The following PPP1R16B variants were observed in gnomAD, a reference collection of about 807,000 sequenced individuals.
The protein encoded by PPP1R16B is protein phosphatase 1 regulatory subunit 16B.
Under a neutral mutation model 61.7 loss-of-function variants are expected in PPP1R16B, and 14 were observed. That is an observed-to-expected ratio of 0.23 (90% confidence interval 0.15 to 0.35). The LOEUF (loss-of-function observed/expected upper bound fraction) is 0.35, where lower values mean the gene tolerates loss of function less well. Among genes scored for constraint, PPP1R16B ranks in the 10% least tolerant of loss-of-function variants. The probability of loss-of-function intolerance (pLI) is 1.00; values close to 1 mark genes in which losing one functional copy is unlikely to be tolerated. For missense variants in PPP1R16B, 547 were observed against 752.5 expected, an observed-to-expected ratio of 0.73 and a Z score of 3.19; for synonymous variants, 266 against 305.3, an observed-to-expected ratio of 0.87 and a Z score of 1.34.
chr20:38,883,508 G>A (rs1158456397), intron 2 of PPP1R16B, among the ~76,000 whole-genome samples: 3 of 152,236 alleles, frequency 2.0e-5, no homozygotes, highest in African/African-American at 7.2e-5. Context: ...GGTGTAGGCG[G>A]AGCAGCGGGG....
At chr20:38,912,263 C>A (rs898383898) in intron 10 of PPP1R16B, among the ~76,000 whole-genome samples, 5 of 151,854 alleles carry the variant, frequency 3.3e-5, no homozygotes, top group African/African-American at 4.8e-5. Context: ...CCATGCCCAG[C>A]TAATTTTTGT....
At chr20:38,854,800 A>T (rs1471932861) in intron 2 of PPP1R16B, among the ~76,000 whole-genome samples, 1 of 152,222 alleles carries the variant, frequency 6.6e-6, no homozygotes, top group Non-Finnish European at 1.5e-5. Flanking sequence ...TGTTACTATC[A>T]TCTGCCAGTA....
Position 38,875,229 on chromosome 20 carries a change from C to T in PPP1R16B, c.251-14366C>T, listed in dbSNP as rs775462230. Among the ~76,000 whole-genome samples the T allele has an allele frequency of 3.3e-4, 50 of 152,236 alleles. No homozygotes were observed. The South Asian group carries it at 3.3e-3, about 10-fold the overall frequency. On this transcript the variant is annotated intron_variant, in intron 2 of 10. Coordinates refer to ENST00000299824, the MANE Select transcript of PPP1R16B (RefSeq NM_015568.4). ...CATCCTGTCCTGGTCCTCTCTGAGC[C>T]AGGAACAGAGGGTTCCAGAAGCCCT...
At chr20:38,837,102 C>A (rs530396490) in intron 2 of PPP1R16B, among the ~76,000 whole-genome samples, 9 of 152,196 alleles carry the variant, frequency 5.9e-5, no homozygotes, top group Non-Finnish European at 1.3e-4. Flanking sequence ...GTGTATGTAG[C>A]CTTTGCTGCA....
At chr20:38,831,174 C>A (rs1162649363) in intron 1 of PPP1R16B, among the ~76,000 whole-genome samples, 2 of 152,226 alleles carry the variant, frequency 1.3e-5, no homozygotes, top group Non-Finnish European at 2.9e-5. Context: ...TTGGGGTGCA[C>A]ACAGCTGCTT....
At chr20:38,829,126 G>A (rs929131527) in intron 1 of PPP1R16B, among the ~76,000 whole-genome samples, 3 of 152,120 alleles carry the variant, frequency 2.0e-5, no homozygotes, top group Non-Finnish European at 4.4e-5. Context: ...AATGGAGTTC[G>A]GACTTTGTCA....
At chr20:38,819,928 C>T (rs1336146039) in intron 1 of PPP1R16B, among the ~76,000 whole-genome samples, 1 of 152,122 alleles carries the variant, frequency 6.6e-6, no homozygotes, top group African/African-American at 2.4e-5. Context: ...TCCAGAAGCC[C>T]CCTCTCCAAC....
intron 1 of PPP1R16B, among the ~76,000 whole-genome samples, chr20:38,827,887 C>T (rs2084814346): frequency 6.6e-6 from 1 of 152,080 alleles, no homozygotes; most frequent in Non-Finnish European, 1.5e-5. Context: ...AGTGAGATCC[C>T]AGGAGTAGGA....
chr20:38,846,911 G>A (rs1426419905), intron 2 of PPP1R16B, among the ~76,000 whole-genome samples: 1 of 152,108 alleles, frequency 6.6e-6, no homozygotes, highest in East Asian at 1.9e-4. Flanking sequence ...GGGTGGAGGT[G>A]GGAGGAACTT....
At chr20:38,895,466 C>T (rs1300412570) in intron 3 of PPP1R16B, 99 bp from the exon 4 acceptor site, 2 of 1,378,120 alleles carry the variant, frequency 1.5e-6, no homozygotes, top group East Asian at 2.3e-5. Context: ...CTTCCACAGT[C>T]TTCCTCATGG....
At chr20:38,884,429 G>A (rs759869419) in intron 2 of PPP1R16B, among the ~76,000 whole-genome samples, 5 of 152,208 alleles carry the variant, frequency 3.3e-5, no homozygotes, top group African/African-American at 1.2e-4. Context: ...AGTAAATATC[G>A]TAGGCCACGT....
rs574662028 is a variant in PPP1R16B at position 38,922,601 on chromosome 20, A to C, written c.*3935A>C. The C allele has an allele frequency of 6.5e-6, 1 of 152,736 alleles. No individual in the cohort carries two copies. The highest frequency in any genetic ancestry group is 2.1e-4 in the South Asian group (1 of 4,832). 9.5% of individuals were successfully genotyped at this position (152,736 alleles called of 1,614,324 possible). On this transcript the variant is annotated 3_prime_UTR_variant, in exon 11 of 11. Coordinates refer to ENST00000299824, the MANE Select transcript of PPP1R16B (RefSeq NM_015568.4). ...GCTTCCCATGGGCATTGCAAGTGCC[A>C]CCGTGCGGGGCCTGGCTCTGCACAC...
chr20:38,847,958 T>G (rs2084945548), intron 2 of PPP1R16B, among the ~76,000 whole-genome samples: 1 of 152,252 alleles, frequency 6.6e-6, no homozygotes, highest in African/African-American at 2.4e-5. Context: ...TTTTTATCCC[T>G]TTAAAGCAGG....
chr20:38,893,200 A>G (rs1031557860), intron 3 of PPP1R16B, among the ~76,000 whole-genome samples: 6 of 152,170 alleles, frequency 3.9e-5, no homozygotes, highest in Non-Finnish European at 8.8e-5. Flanking sequence ...AAAGCATTAG[A>G]CATTGTTATT....
At chr20:38,846,548 T>C (rs957474022) in intron 2 of PPP1R16B, among the ~76,000 whole-genome samples, 2 of 152,226 alleles carry the variant, frequency 1.3e-5, no homozygotes, top group Non-Finnish European at 2.9e-5. Flanking sequence ...TTTTGTCTTA[T>C]CTTTATATAC....
Position 38,895,639 on chromosome 20 carries a change from C to A in PPP1R16B, c.396C>A (p.Asn132Lys). The A allele has an allele frequency of 6.2e-7, 1 of 1,614,004 alleles. No homozygotes were observed. Among genetic ancestry groups the A allele is most frequent in the Non-Finnish European group, 8.5e-7 (1 of 1,179,858 alleles). The change falls in exon 4 of 11, where the codon AAC becomes AAA. Residue 132 changes from asparagine (N) to lysine (K), a missense_variant. Coordinates refer to ENST00000299824, the MANE Select transcript of PPP1R16B (RefSeq NM_015568.4). ...GTGCCAATGTGAACGCCAAGGACAA[C>A]GAGCTGTGGACACCTCTCCATGCTG... ...SHGANVNAKD[N>K]ELWTPLHAAA...
chr20:38,891,073 G>A (rs1453535577), intron 3 of PPP1R16B, among the ~76,000 whole-genome samples: 1 of 152,162 alleles, frequency 6.6e-6, no homozygotes, highest in Admixed American at 6.5e-5. Flanking sequence ...AGAGCGGGTG[G>A]CTGCTATAGC....
In PPP1R16B at chr20:38,920,264, T is replaced by A. The variant is rs551264869; in HGVS notation, c.*1598T>A. On this transcript the variant is annotated 3_prime_UTR_variant, in exon 11 of 11. Coordinates refer to ENST00000299824, the MANE Select transcript of PPP1R16B (RefSeq NM_015568.4). ...AGCCAGAACCTCTTGGTGTACCCGA[T>A]AAGCTGCAGGTTATCCCTTGCTCTG... 3 of 152,928 alleles carry A rather than the reference T, an allele frequency of 2.0e-5. No homozygotes were observed. Among genetic ancestry groups the A allele is most frequent in the African/African-American group, 7.2e-5 (3 of 41,592 alleles). 9.5% of individuals were successfully genotyped at this position (152,928 alleles called of 1,614,324 possible).
chr20:38,903,066 G>GGAGTTT, intron 6 of PPP1R16B, among the ~76,000 whole-genome samples: 1 of 152,312 alleles, frequency 6.6e-6, no homozygotes, highest in East Asian at 1.9e-4. Flanking sequence ...CTTGAGCCTG[G>GGAGTTT]GAGTTTGAGT....
Sources: gnomAD v4.1 joint callset for allele counts (sites outside exome capture counted in the v4.1 genomes callset) on GRCh38, gnomAD v4.1.1 for gene constraint, MANE v1.5 for transcripts, NCBI Gene and HGNC (gene_info 2026-07-23, HGNC 2026-07-21) for gene names.